The following CHD1L variants were observed in gnomAD, a reference collection of about 807,000 sequenced individuals.
CHD1L encodes ATP-dependent chromatin remodeler CHD1L.
CHD1L carries 118 observed loss-of-function variants against 115.9 expected under a neutral mutation model. The ratio of observed to expected loss-of-function variants is 1.02; its 90% CI spans 0.88 to 1.19. The LOEUF is 1.19. Ranked by LOEUF, CHD1L falls within the 50% of genes most tolerant of loss-of-function variation. The pLI, the probability that CHD1L is intolerant of heterozygous loss-of-function variation, is 0.00. For missense variants in CHD1L, 1,179 were observed against 1,065.3 expected, an observed-to-expected ratio of 1.11 and a Z score of -1.49; for synonymous variants, 411 against 387.1, an observed-to-expected ratio of 1.06 and a Z score of -0.72.
chr1:147,262,915 A>G (rs2102517481), intron 6 of CHD1L, among the ~76,000 whole-genome samples: 1 of 152,292 alleles, frequency 6.6e-6, no homozygotes, highest in Non-Finnish European at 1.5e-5. Context: ...TTAATGGTGT[A>G]TGTGCTGCCA....
At chr1:147,289,157 G>A (rs1449080239) in intron 19 of CHD1L, among the ~76,000 whole-genome samples, 1 of 152,124 alleles carries the variant, frequency 6.6e-6, no homozygotes, top group Non-Finnish European at 1.5e-5. Flanking sequence ...TTGGGCAGTT[G>A]GCAAAGCAAA....
chr1:147,231,549 TC>T, the CHD1L span, among the ~76,000 whole-genome samples: 1 of 152,158 alleles, frequency 6.6e-6, no homozygotes. Flanking sequence ...TGAGTTCAAT[TC>T]CTGTATATCC....
At chr1:147,233,694 C>A in the CHD1L span, among the ~76,000 whole-genome samples, 2 of 152,212 alleles carry the variant, frequency 1.3e-5, no homozygotes, top group South Asian at 4.1e-4. Flanking sequence ...CGGATGGTTG[C>A]CGTGTCTGTG....
At chr1:147,185,394 A>G in the CHD1L span, among the ~76,000 whole-genome samples, 4 of 152,278 alleles carry the variant, frequency 2.6e-5, no homozygotes, top group South Asian at 8.3e-4. Context: ...TTTGCTTTTG[A>G]TATGCAGATT....
chr1:147,254,842 A>G (rs202143396), intron 2 of CHD1L, 28 bp from the exon 3 acceptor site: 63 of 1,530,150 alleles, frequency 4.1e-5, no homozygotes, highest in Admixed American at 2.4e-4. Context: ...AATGTGATCA[A>G]AACTGCCTTT....
chr1:147,257,207 C>T (rs1553941006), intron 5 of CHD1L, among the ~76,000 whole-genome samples: 1 of 149,804 alleles, frequency 6.7e-6, no homozygotes, highest in Non-Finnish European at 1.5e-5. Flanking sequence ...TCTCTATAAC[C>T]TCTGTAGTTA....
chr1:147,248,034 C>T (rs1471192923), intron 1 of CHD1L, among the ~76,000 whole-genome samples: 1 of 152,186 alleles, frequency 6.6e-6, no homozygotes, highest in Non-Finnish European at 1.5e-5. Flanking sequence ...TGCCTTTTGC[C>T]ATATAAGGTC....
chr1:147,190,471 C>G, the CHD1L span, among the ~76,000 whole-genome samples: 1 of 152,102 alleles, frequency 6.6e-6, no homozygotes, highest in African/African-American at 2.4e-5. Context: ...GGGATTTCCC[C>G]TACTCTGACT....
At chr1:147,201,503 C>T in the CHD1L span, 1 of 1,602,810 alleles carries the variant, frequency 6.2e-7, no homozygotes, top group Non-Finnish European at 8.5e-7. Flanking sequence ...TGACTCAGAG[C>T]TCTGTGAGTC....
At chr1:147,200,366 G>A in the CHD1L span, among the ~76,000 whole-genome samples, 8,480 of 152,008 alleles carry the variant, frequency 0.056, 263 homozygotes, top group African/African-American at 0.092. Flanking sequence ...GGCTTTTTCA[G>A]TTGTACTTCA....
chr1:147,249,503 T>G (rs1667723377), intron 1 of CHD1L, among the ~76,000 whole-genome samples: 1 of 148,248 alleles, frequency 6.7e-6, no homozygotes, highest in African/African-American at 2.5e-5. Flanking sequence ...CCTCCTGGGT[T>G]CAAGCAATTT....
chr1:147,196,513 T>C, the CHD1L span, among the ~76,000 whole-genome samples: 2 of 151,954 alleles, frequency 1.3e-5, no homozygotes, highest in Admixed American at 6.6e-5. Context: ...AAAAACCCTA[T>C]CTATTACCCT....
At chr1:147,177,861 A>C in the CHD1L span, among the ~76,000 whole-genome samples, 2 of 152,216 alleles carry the variant, frequency 1.3e-5, no homozygotes, top group Non-Finnish European at 2.9e-5. Flanking sequence ...AAACTAAATC[A>C]AACTTGAGTA....
chr1:147,222,167 C>T, the CHD1L span, among the ~76,000 whole-genome samples: 3 of 152,040 alleles, frequency 2.0e-5, no homozygotes, highest in Non-Finnish European at 2.9e-5. Flanking sequence ...GTGAGGAGTT[C>T]GAGAATAGCC....
chr1:147,278,038 A>T (rs1162209379), intron 14 of CHD1L, among the ~76,000 whole-genome samples: 2 of 150,804 alleles, frequency 1.3e-5, no homozygotes, highest in African/African-American at 2.4e-5. Flanking sequence ...GCTGAGAGCG[A>T]CTCTGTTGGA....
chr1:147,286,585 G>A (rs587653021), intron 18 of CHD1L, 85 bp downstream of exon 18: 13 of 1,220,470 alleles, frequency 1.1e-5, no homozygotes, highest in African/African-American at 1.0e-4. Context: ...TGGGACTGGG[G>A]TGGTGGTCCC....
chr1:147,236,082 G>T, the CHD1L span, among the ~76,000 whole-genome samples: 1 of 152,160 alleles, frequency 6.6e-6, no homozygotes, highest in Admixed American at 6.5e-5. Context: ...TGCCAGCTGT[G>T]GCAAGGCAGG....
At chr1:147,269,406 C>T (rs997670977) in intron 10 of CHD1L, among the ~76,000 whole-genome samples, 3 of 152,108 alleles carry the variant, frequency 2.0e-5, no homozygotes, top group Admixed American at 6.5e-5. Flanking sequence ...CACTGTGGCT[C>T]GCGCCTGTAA....
chr1:147,184,347 C>T, the CHD1L span: 5 of 858,502 alleles, frequency 5.8e-6, no homozygotes, highest in Non-Finnish European at 7.9e-6. This position sits in a 1 kb window ranked among gnomAD's most constrained non-coding sequence, Gnocchi z 4.4. Flanking sequence ...TTTTACATTC[C>T]TCTGGTACAT....
Sources: allele counts gnomAD v4.1 joint callset (sites outside exome capture counted in the v4.1 genomes callset), GRCh38; gene constraint gnomAD v4.1.1; non-coding constraint Gnocchi (gnomAD v3.1); transcripts MANE v1.5; gene names NCBI Gene and HGNC (gene_info 2026-07-23, HGNC 2026-07-21).